GRIN2A: variants seen among roughly 807,000 people sequenced by gnomAD.
The protein encoded by GRIN2A is glutamate ionotropic receptor NMDA type subunit 2A.
A neutral mutation model predicts 113.4 loss-of-function variants in GRIN2A; 22 were observed. The ratio of observed to expected loss-of-function variants is 0.19; its 90% CI spans 0.14 to 0.28. The LOEUF (loss-of-function observed/expected upper bound fraction) is 0.28. Among genes scored for constraint, GRIN2A ranks in the 10% least tolerant of loss-of-function variants. GRIN2A has a pLI of 1.00. For missense variants in GRIN2A, 1,502 were observed against 1,887.0 expected, an observed-to-expected ratio of 0.80 and a Z score of 3.78; for synonymous variants, 827 against 738.4, an observed-to-expected ratio of 1.12 and a Z score of -1.94.
chr16:9,810,140 G>C (rs1422634757), intron 10 of GRIN2A, among the ~76,000 whole-genome samples: 1 of 152,178 alleles, frequency 6.6e-6, no homozygotes, highest in Non-Finnish European at 1.5e-5. Context: ...GGATAGGGAA[G>C]GTATGGGAAA....
In GRIN2A at chr16:10,180,352, A is replaced by G. The variant is rs367543130; in HGVS notation, c.60T>C (p.Gly20=). The G allele has an allele frequency of 8.7e-6, 14 of 1,608,178 alleles. No homozygotes were observed. The highest frequency in any genetic ancestry group is 5.0e-5 in the Admixed American group (3 of 59,990). Residue 20 remains glycine (G), a synonymous_variant, in exon 2 of 13, where the codon GGT becomes GGC. Transcript: ENST00000330684. This position sits in a 1 kb window ranked among gnomAD's most constrained non-coding sequence, Gnocchi z 7.0. ...TCTCCGCCGCCGCGCTCGGCGCCGG[A>G]CCGCGCCAGACCAGAAGGGCCGGCA... ...LVLPALLVWR[G]PAPSAAAEKG... is the part of the protein sequence containing the mutation.
chr16:9,814,751 G>C (rs757792517), intron 10 of GRIN2A, among the ~76,000 whole-genome samples: 4 of 152,130 alleles, frequency 2.6e-5, no homozygotes, highest in Non-Finnish European at 5.9e-5. Flanking sequence ...CGGGTGCGGT[G>C]GCTCAGGCCT....
chr16:10,026,000 T>C (rs746175757), intron 2 of GRIN2A, among the ~76,000 whole-genome samples: 25 of 152,208 alleles, frequency 1.6e-4, no homozygotes, highest in Non-Finnish European at 2.6e-4. Context: ...AGGCAGCCTC[T>C]TTGACTCACA....
At chr16:9,936,591 A>G (rs144673430) in intron 3 of GRIN2A, among the ~76,000 whole-genome samples, 5 of 152,320 alleles carry the variant, frequency 3.3e-5, no homozygotes, top group African/African-American at 4.8e-5. Context: ...GCTGAACCAT[A>G]ATGATGGGCC....
intron 2 of GRIN2A, among the ~76,000 whole-genome samples, chr16:10,159,831 A>C (rs1017581284): frequency 6.6e-6 from 1 of 152,212 alleles, no homozygotes; most frequent in African/African-American, 2.4e-5. Flanking sequence ...ACATTTTTGC[A>C]ATACAAACTA....
At chr16:9,955,096 G>A (rs2045274821) in intron 2 of GRIN2A, among the ~76,000 whole-genome samples, 1 of 152,176 alleles carries the variant, frequency 6.6e-6, no homozygotes, top group Non-Finnish European at 1.5e-5. Context: ...CCTGAGTCAA[G>A]GCGAGGGTTT....
At chr16:10,109,189 G>T (rs980473640) in intron 2 of GRIN2A, among the ~76,000 whole-genome samples, 1 of 151,904 alleles carries the variant, frequency 6.6e-6, no homozygotes, top group African/African-American at 2.4e-5. Flanking sequence ...CAAATTCCTG[G>T]AAAGATACAA....
intron 2 of GRIN2A, among the ~76,000 whole-genome samples, chr16:10,036,437 C>CTT (rs1360199200): frequency 2.1e-4 from 19 of 92,646 alleles, no homozygotes; most frequent in South Asian, 3.0e-4. Flanking sequence ...TTAGTACTTA[C>CTT]TTTTTTTTTT....
At chr16:10,003,124 C>T (rs147124934) in intron 2 of GRIN2A, among the ~76,000 whole-genome samples, 1 of 152,254 alleles carries the variant, frequency 6.6e-6, no homozygotes, top group African/African-American at 2.4e-5. Context: ...AAAATTAGAA[C>T]CACATTTCTT....
chr16:10,047,911 C>G (rs2047288157), intron 2 of GRIN2A, among the ~76,000 whole-genome samples: 1 of 152,136 alleles, frequency 6.6e-6, no homozygotes, highest in South Asian at 2.1e-4. Flanking sequence ...ATCTGGCTTA[C>G]TAACATATGT....
At chr16:9,899,696 G>A (rs1430436936) in intron 3 of GRIN2A, among the ~76,000 whole-genome samples, 1 of 151,998 alleles carries the variant, frequency 6.6e-6, no homozygotes, top group Non-Finnish European at 1.5e-5. Flanking sequence ...TCTTCTTAAG[G>A]GCAGGGGTCT....
chr16:10,180,354 C>A lies in GRIN2A; in HGVS notation c.58G>T (p.Gly20Cys), dbSNP rs779149309. The A allele has an allele frequency of 5.0e-6, 8 of 1,608,328 alleles. No individual in the cohort carries two copies. Among genetic ancestry groups the A allele is most frequent in the South Asian group, 1.1e-5 (1 of 91,062 alleles). ...TCCGCCGCCGCGCTCGGCGCCGGAC[C>A]GCGCCAGACCAGAAGGGCCGGCAGC... ...LVLPALLVWR[G>C]PAPSAAAEKG... The change falls in exon 2 of 13, where the codon GGT becomes TGT. Residue 20 changes from glycine (G) to cysteine (C), a missense_variant. By Grantham distance (159) the Gly-to-Cys change is radical. Transcript: ENST00000330684. This position sits in a 1 kb window ranked among gnomAD's most constrained non-coding sequence, Gnocchi z 7.0.
chr16:10,153,169 T>A (rs1532934), intron 2 of GRIN2A, among the ~76,000 whole-genome samples: 1 of 151,946 alleles, frequency 6.6e-6, no homozygotes, highest in Non-Finnish European at 1.5e-5. Context: ...TCTGGTGGGG[T>A]ATGTGGATCA....
chr16:10,040,898 G>A (rs564375492), intron 2 of GRIN2A, among the ~76,000 whole-genome samples: 2 of 152,340 alleles, frequency 1.3e-5, no homozygotes, highest in African/African-American at 4.8e-5. Context: ...CTGCGAAAGC[G>A]GCCCCAGCCA....
At chr16:10,079,988 C>A (rs1005584875) in intron 2 of GRIN2A, among the ~76,000 whole-genome samples, 10 of 152,202 alleles carry the variant, frequency 6.6e-5, no homozygotes, top group Admixed American at 1.3e-4. Context: ...ATGCTGCTCT[C>A]AGCGAGCAAA....
chr16:10,034,953 C>G (rs180877890), intron 2 of GRIN2A, among the ~76,000 whole-genome samples: 229 of 152,264 alleles, frequency 1.5e-3, no homozygotes, highest in African/African-American at 4.8e-3. Flanking sequence ...CTTCAGCGGC[C>G]CCCATTAAAT....
chr16:10,172,944 T>G (rs2050071559), intron 2 of GRIN2A, among the ~76,000 whole-genome samples: 1 of 152,074 alleles, frequency 6.6e-6, no homozygotes, highest in Admixed American at 6.5e-5. Flanking sequence ...TCTCTCTCTT[T>G]CCCCACTCAC....
intron 2 of GRIN2A, among the ~76,000 whole-genome samples, chr16:10,005,976 C>G (rs2046398369): frequency 6.6e-6 from 1 of 152,196 alleles, no homozygotes; most frequent in Non-Finnish European, 1.5e-5. Context: ...CTTTTTACCT[C>G]AATATTACAG....
At chr16:10,170,481 T>A (rs1241979402) in intron 2 of GRIN2A, among the ~76,000 whole-genome samples, 1 of 152,218 alleles carries the variant, frequency 6.6e-6, no homozygotes, top group Non-Finnish European at 1.5e-5. Flanking sequence ...AGATACCACA[T>A]CTTAAGTAAT....
Sources: gnomAD v4.1 joint callset for allele counts (sites outside exome capture counted in the v4.1 genomes callset) on GRCh38, gnomAD v4.1.1 for gene constraint, Gnocchi (gnomAD v3.1) non-coding constraint, MANE v1.5 for transcripts, NCBI Gene and HGNC (gene_info 2026-07-23, HGNC 2026-07-21) for gene names.